SGCZ: variants seen among roughly 807,000 people sequenced by gnomAD.
SGCZ encodes the protein zeta-sarcoglycan.
A neutral mutation model predicts 41.3 loss-of-function variants in SGCZ; 40 were observed. The observed-to-expected ratio is 0.97, with a 90% CI of 0.75 to 1.26. SGCZ has a LOEUF of 1.26. Ranked by LOEUF, SGCZ falls within the 50% of genes most tolerant of loss-of-function variation. The probability of loss-of-function intolerance (pLI) is 0.00; values close to 1 mark genes in which losing one functional copy is unlikely to be tolerated. For synonymous variants in SGCZ, 206 were observed against 137.5 expected, an observed-to-expected ratio of 1.50 and a Z score of -3.49; for missense variants, 552 against 369.8, an observed-to-expected ratio of 1.49 and a Z score of -4.04.
Position 14,113,525 on chromosome 8 carries a change from C to T in SGCZ, c.548-5290G>A, listed in dbSNP as rs971760831. On this transcript the variant is annotated intron_variant, in intron 5 of 7. Transcript: ENST00000382080. ...AAATATTGATAAGGATCCAGATTTC[C>T]AGCCTTTTTTGAGTTTTCTCCTTTT... is the stretch of plus-strand genomic sequence containing the variant. 5.3e-5 allele frequency among the ~76,000 whole-genome samples: 8 copies of T among 152,024 alleles called. 1 individual carries two copies. The Middle Eastern group carries it at 0.02, about 388-fold the overall frequency.
intron 2 of SGCZ, among the ~76,000 whole-genome samples, chr8:14,371,879 T>C (rs1803923184): frequency 6.6e-6 from 1 of 152,128 alleles, no homozygotes; most frequent in Admixed American, 6.6e-5. Flanking sequence ...GAATAATCTT[T>C]ATATGCCTTG....
intron 1 of SGCZ, among the ~76,000 whole-genome samples, chr8:14,735,515 T>C (rs1799002181): frequency 6.6e-6 from 1 of 152,144 alleles, no homozygotes; most frequent in African/African-American, 2.4e-5. Context: ...ACACTAGTGG[T>C]TTGCTGGGGC....
chr8:15,032,707 G>A (rs1352025436), intron 1 of SGCZ, among the ~76,000 whole-genome samples: 1 of 152,056 alleles, frequency 6.6e-6, no homozygotes, highest in Non-Finnish European at 1.5e-5. Context: ...TCAGATGCCT[G>A]GCCAACCCCT....
At chr8:14,553,282 C>A (rs914706567) in intron 2 of SGCZ, among the ~76,000 whole-genome samples, 5 of 152,000 alleles carry the variant, frequency 3.3e-5, no homozygotes, top group Admixed American at 6.6e-5. Context: ...AGAAGTGATT[C>A]AGATGCATTC....
intron 7 of SGCZ, among the ~76,000 whole-genome samples, chr8:14,093,083 A>T (rs1038691683): frequency 1.3e-5 from 2 of 152,232 alleles, no homozygotes; most frequent in Admixed American, 6.6e-5. Flanking sequence ...TGAGCAAAGA[A>T]ATAGCTCTCT....
intron 1 of SGCZ, among the ~76,000 whole-genome samples, chr8:15,036,670 T>C (rs556732101): frequency 5.3e-5 from 8 of 152,280 alleles, no homozygotes; most frequent in Non-Finnish European, 8.8e-5. Flanking sequence ...AAAGAATTAA[T>C]ACCAATTATT....
At chr8:14,973,563 C>T (rs1801368805) in intron 1 of SGCZ, among the ~76,000 whole-genome samples, 1 of 152,096 alleles carries the variant, frequency 6.6e-6, no homozygotes. Flanking sequence ...CTTCTCTGAC[C>T]TAAAGGAATC....
intron 1 of SGCZ, among the ~76,000 whole-genome samples, chr8:14,748,641 G>C (rs1799409243): frequency 6.6e-6 from 1 of 152,138 alleles, no homozygotes; most frequent in African/African-American, 2.4e-5. Flanking sequence ...AGCTAAAAGG[G>C]AGCAAGAGAG....
chr8:14,630,050 T>G (rs2117394285), intron 1 of SGCZ, among the ~76,000 whole-genome samples: 1 of 152,198 alleles, frequency 6.6e-6, no homozygotes, highest in South Asian at 2.1e-4. Context: ...GAAAAAAATG[T>G]CTTTTCCCCA....
chr8:14,108,378 C>T, intron 5 of SGCZ, 143 bp from the exon 6 acceptor site: 1 of 656,452 alleles, frequency 1.5e-6, no homozygotes, highest in South Asian at 2.0e-5. Context: ...TTTCACACTG[C>T]TGATAAAGAC....
intron 1 of SGCZ, among the ~76,000 whole-genome samples, chr8:15,129,836 A>G (rs913321037): frequency 6.6e-6 from 1 of 152,036 alleles, no homozygotes; most frequent in Admixed American, 6.6e-5. Flanking sequence ...GGAAGCAGTG[A>G]GCACCCTTCT....
intron 1 of SGCZ, among the ~76,000 whole-genome samples, chr8:15,044,439 C>T (rs1804227209): frequency 6.6e-6 from 1 of 152,112 alleles, no homozygotes; most frequent in Non-Finnish European, 1.5e-5. Context: ...CTGCCTTTGC[C>T]TTTTGGTGAA....
At chr8:14,634,516 C>T (rs994311907) in intron 1 of SGCZ, among the ~76,000 whole-genome samples, 5 of 151,798 alleles carry the variant, frequency 3.3e-5, no homozygotes, top group African/African-American at 4.8e-5. Flanking sequence ...TAAAAATCTT[C>T]TTTTATGATA....
At chr8:14,865,659 A>G (rs1803906986) in intron 1 of SGCZ, among the ~76,000 whole-genome samples, 1 of 152,170 alleles carries the variant, frequency 6.6e-6, no homozygotes, top group Admixed American at 6.6e-5. Context: ...ATAAGGGGCC[A>G]GGCCAACACA....
chr8:14,370,492 G>C (rs1308343574), intron 2 of SGCZ, among the ~76,000 whole-genome samples: 1 of 151,860 alleles, frequency 6.6e-6, no homozygotes, highest in Non-Finnish European at 1.5e-5. Context: ...AATATGAAAA[G>C]TGTGTTGTAA....
chr8:14,471,542 C>T (rs2116979364), intron 2 of SGCZ, among the ~76,000 whole-genome samples: 1 of 151,976 alleles, frequency 6.6e-6, no homozygotes, highest in South Asian at 2.1e-4. Flanking sequence ...GACTGTGTTC[C>T]CCCATATGAA....
At chr8:14,971,639 T>G in intron 1 of SGCZ, among the ~76,000 whole-genome samples, 1 of 143,798 alleles carries the variant, frequency 7.0e-6, no homozygotes, top group Non-Finnish European at 1.5e-5. Context: ...TTACTCATTT[T>G]ATATACTTTT....
At chr8:14,776,459 T>A (rs1800403818) in intron 1 of SGCZ, among the ~76,000 whole-genome samples, 1 of 152,010 alleles carries the variant, frequency 6.6e-6, no homozygotes, top group Admixed American at 6.6e-5. Flanking sequence ...AATTACCCAG[T>A]CTCGGATATG....
In SGCZ at chr8:14,309,368, T is replaced by C. The variant is rs561220941; in HGVS notation, c.336+14735A>G. The C allele has an allele frequency of 1.7e-4, 278 of 1,604,716 alleles. 2 individuals are homozygous for C. In the Admixed American group the frequency reaches 3.9e-3, roughly 22 times the overall value. Reference sequence around the variant, plus strand: ...ATGGGGAGGACGATGGCTAATTACATTGAACAGTCAGCAGAGACGAAGTGA... The same window carrying C: ...ATGGGGAGGACGATGGCTAATTACACTGAACAGTCAGCAGAGACGAAGTGA... On this transcript the variant is annotated intron_variant, in intron 3 of 7. Coordinates refer to ENST00000382080, the MANE Select transcript of SGCZ (RefSeq NM_139167.4).
Sources: gnomAD v4.1 joint callset for allele counts (sites outside exome capture counted in the v4.1 genomes callset) on GRCh38, gnomAD v4.1.1 for gene constraint, MANE v1.5 for transcripts, NCBI Gene and HGNC (gene_info 2026-07-23, HGNC 2026-07-21) for gene names.